Variants in DLG5 observed in about 807,000 individuals in gnomAD.
The protein encoded by DLG5 is discs large MAGUK scaffold protein 5.
DLG5 carries 48 observed loss-of-function variants against 189.8 expected under a neutral mutation model. That is an observed-to-expected ratio of 0.25 (90% CI 0.20 to 0.32). The LOEUF (loss-of-function observed/expected upper bound fraction) is 0.32, where lower values mean the gene tolerates loss of function less well. DLG5 is among the 10% of genes least tolerant of loss of function. DLG5 has a pLI of 1.00. For missense variants in DLG5, 2,160 were observed against 2,544.7 expected, an observed-to-expected ratio of 0.85 and a Z score of 3.25; for synonymous variants, 1,016 against 1,054.1, an observed-to-expected ratio of 0.96 and a Z score of 0.70.
chr10:77,819,575 G>C, intron 16 of DLG5, 110 bp from the exon 17 acceptor site: 1 of 1,393,558 alleles, frequency 7.2e-7, no homozygotes, highest in Middle Eastern at 2.6e-4. Context: ...TTTGGGAAAA[G>C]GACTTGGGAG....
chr10:77,856,956 G>A (rs1844266152), intron 2 of DLG5, 64 bp from the exon 3 acceptor site: 1 of 1,495,418 alleles, frequency 6.7e-7, no homozygotes, highest in East Asian at 2.3e-5. Flanking sequence ...GCCCGGTGCT[G>A]TCCTGAGCTG....
At chr10:77,837,884 C>T (rs1365926390) in intron 7 of DLG5, among the ~76,000 whole-genome samples, 1 of 152,204 alleles carries the variant, frequency 6.6e-6, no homozygotes, top group Non-Finnish European at 1.5e-5. Flanking sequence ...ACTTGCCAGA[C>T]CCAGGCATGA....
intron 31 of DLG5, chr10:77,793,516 G>A (rs528881933): frequency 1.0e-4 from 16 of 152,882 alleles, no homozygotes; most frequent in African/African-American, 3.8e-4. Flanking sequence ...GACCAGAGAT[G>A]GTAAGGGGAC....
intron 1 of DLG5, among the ~76,000 whole-genome samples, chr10:77,879,262 C>T (rs1845200966): frequency 6.6e-6 from 1 of 151,996 alleles, no homozygotes; most frequent in South Asian, 2.1e-4. Context: ...AGTGCAAAGG[C>T]CCTGGGGCCA....
chr10:77,896,184 T>C lies in DLG5; in HGVS notation c.305-26987A>G, dbSNP rs138566414. ...GTAGTGAGTGTAAATGTCTATATCA[T>C]AACAACGTGTTCTAACAAAGATCTG... On this transcript the variant is annotated intron_variant, in intron 1 of 31. Coordinates refer to ENST00000372391, the MANE Select transcript of DLG5 (RefSeq NM_004747.4). Among the ~76,000 whole-genome samples the C allele has an allele frequency of 1.4e-3, 211 of 152,174 alleles. 2 individuals carry two copies. The highest frequency in any genetic ancestry group is 4.9e-3 in the African/African-American group (203 of 41,508).
At chr10:77,929,974 C>G (rs769901515), upstream of DLG5, 7 of 152,370 alleles carry the variant, frequency 4.6e-5, no homozygotes, top group South Asian at 2.1e-4. Flanking sequence ...CTTCACTCTT[C>G]TACTGCCTAA....
At chr10:77,876,857 G>A (rs1336915086) in intron 1 of DLG5, among the ~76,000 whole-genome samples, 4 of 150,076 alleles carry the variant, frequency 2.7e-5, no homozygotes, top group African/African-American at 2.5e-5. Context: ...GATGGCTGCC[G>A]AGCTCTCTGT....
chr10:77,854,778 G>A (rs1844150870), intron 3 of DLG5, among the ~76,000 whole-genome samples: 1 of 152,034 alleles, frequency 6.6e-6, no homozygotes, highest in South Asian at 2.1e-4. Context: ...TTGAAGCCAG[G>A]GGTTTGAGAC....
intron 15 of DLG5, chr10:77,820,262 C>T: frequency 2.3e-6 from 1 of 435,402 alleles, no homozygotes; most frequent in East Asian, 5.3e-5. Flanking sequence ...AGGAGAATCG[C>T]TTGAACTCGG....
rs1264524703 is a variant in DLG5 at position 77,796,323 on chromosome 10, G to A, written c.5308+128C>T. ...TGCATGAATCTGACCCATGTCAGCA[G>A]GCTTCTGGAACACTGTGAAATCTGC... On this transcript the variant is annotated intron_variant, in intron 28 of 31. Transcript: ENST00000372391. The surrounding 1 kb of genome is among the most constrained non-coding windows in gnomAD (Gnocchi z 5.2). 6.3e-7 allele frequency: 1 copy of A among 1,584,002 alleles called. No homozygotes were observed. The highest frequency in any genetic ancestry group is 1.3e-5 in the African/African-American group (1 of 74,368).
intron 2 of DLG5, among the ~76,000 whole-genome samples, chr10:77,859,580 TG>T (rs1196421320): frequency 1.3e-5 from 2 of 152,238 alleles, no homozygotes; most frequent in Non-Finnish European, 2.9e-5. Context: ...AGTACCATGC[TG>T]TACAGGTTTG....
At chr10:77,865,689 A>G (rs1844647153) in intron 2 of DLG5, among the ~76,000 whole-genome samples, 1 of 152,204 alleles carries the variant, frequency 6.6e-6, no homozygotes, top group South Asian at 2.1e-4. Flanking sequence ...AGGCAGATCC[A>G]CCAGGTAGGG....
In DLG5 at chr10:77,855,794, A is replaced by G. The variant is rs147070585; in HGVS notation, c.536+936T>C. Among the ~76,000 whole-genome samples the G allele has an allele frequency of 2.4e-3, 360 of 152,358 alleles. 2 individuals carry two copies. The highest frequency in any genetic ancestry group is 0.023 in the South Asian group (113 of 4,834). ...GCATAGACCCTTACTCCTGAAGGAA[A>G]GAGGTGAAACTGAAGTGTTTACACC... is the stretch of plus-strand genomic sequence containing the variant. On this transcript the variant is annotated intron_variant, in intron 3 of 31. Transcript: ENST00000372391.
intron 1 of DLG5, among the ~76,000 whole-genome samples, chr10:77,891,963 T>C (rs1007817945): frequency 9.9e-5 from 15 of 152,212 alleles, no homozygotes; most frequent in African/African-American, 3.4e-4. Context: ...GACTCGACCC[T>C]GCCTCTTTCT....
chr10:77,906,009 G>C (rs1008915328), intron 1 of DLG5, among the ~76,000 whole-genome samples: 1 of 152,194 alleles, frequency 6.6e-6, no homozygotes, highest in Non-Finnish European at 1.5e-5. Flanking sequence ...TGGAATTGCT[G>C]CAAGGGACTA....
At chr10:77,921,572 A>G (rs1846535266) in intron 1 of DLG5, among the ~76,000 whole-genome samples, 2 of 152,164 alleles carry the variant, frequency 1.3e-5, no homozygotes, top group South Asian at 2.1e-4. Context: ...ACCCAGAGCC[A>G]AGGCCAAACC....
intron 17 of DLG5, among the ~76,000 whole-genome samples, chr10:77,818,743 C>T (rs1274301456): frequency 6.6e-6 from 1 of 151,918 alleles, no homozygotes; most frequent in East Asian, 1.9e-4. Flanking sequence ...TGTTTGACTG[C>T]CTTCATAGCC....
At chr10:77,939,848 G>A in the DLG5 span, among the ~76,000 whole-genome samples, 1 of 152,202 alleles carries the variant, frequency 6.6e-6, no homozygotes. Context: ...AGCAGCAGCA[G>A]GCCACCGCAG....
At chr10:77,794,484 G>A (rs761882631) in intron 30 of DLG5, among the ~76,000 whole-genome samples, 4 of 152,214 alleles carry the variant, frequency 2.6e-5, no homozygotes, top group Non-Finnish European at 5.9e-5. Context: ...GAGCCAGCTC[G>A]GGGCTGAGTG....
Sources: allele counts gnomAD v4.1 joint callset (sites outside exome capture counted in the v4.1 genomes callset), GRCh38; gene constraint gnomAD v4.1.1; non-coding constraint Gnocchi (gnomAD v3.1); transcripts MANE v1.5; gene names NCBI Gene and HGNC (gene_info 2026-07-23, HGNC 2026-07-21).